The following SOX5 variants were observed in gnomAD, a reference collection of about 807,000 sequenced individuals.
The protein encoded by SOX5 is SRY-box transcription factor 5.
SOX5 carries 9 observed loss-of-function variants against 92.0 expected under a neutral mutation model. The ratio of observed to expected loss-of-function variants is 0.10; its 90% CI spans 0.06 to 0.17. The LOEUF is 0.17. Among genes scored for constraint, SOX5 ranks in the 10% least tolerant of loss-of-function variants. The pLI, the probability that SOX5 is intolerant of heterozygous loss-of-function variation, is 1.00. For missense variants in SOX5, 642 were observed against 944.5 expected (o/e 0.68, Z 4.20); for synonymous variants, 344 against 336.3 (o/e 1.02, Z -0.25).
intron 2 of SOX5, among the ~76,000 whole-genome samples, chr12:24,344,687 T>C (rs916401688): frequency 3.9e-5 from 6 of 152,198 alleles, no homozygotes; most frequent in African/African-American, 1.4e-4. Context: ...TGTGCTTGGG[T>C]GGTCTCTTGT....
intron 7 of SOX5, among the ~76,000 whole-genome samples, chr12:23,661,543 A>G (rs1351990355): frequency 6.6e-6 from 1 of 152,220 alleles, no homozygotes; most frequent in Non-Finnish European, 1.5e-5. Flanking sequence ...TTTAAAGTCA[A>G]TTTTGTGTAA....
Position 24,479,647 on chromosome 12 carries a change from A to G in SOX5, c.-251+82682T>C, listed in dbSNP as rs540800501. On this transcript the variant is annotated intron_variant, in intron 1 of 4. Transcript: ENST00000446891. ...TCTTACACTGGAAAATATCAAAGGA[A>G]TATTCAGGTATTTATTCATTTTTTT... 2.6e-5 allele frequency among the ~76,000 whole-genome samples: 4 copies of G among 151,234 alleles called. No individual in the cohort carries two copies. The South Asian group carries it at 8.3e-4, about 31-fold the overall frequency.
chr12:24,537,287 G>C (rs1382737187), intron 1 of SOX5, among the ~76,000 whole-genome samples: 1 of 152,154 alleles, frequency 6.6e-6, no homozygotes, highest in Non-Finnish European at 1.5e-5. Flanking sequence ...TTTACAGGGG[G>C]TTTAGCAGAC....
intron 1 of SOX5, among the ~76,000 whole-genome samples, chr12:23,900,349 T>C (rs1006218694): frequency 1.3e-5 from 2 of 152,156 alleles, no homozygotes; most frequent in Non-Finnish European, 2.9e-5. Context: ...AGAAAACTAC[T>C]GGGGTCTTTT....
At chr12:24,507,196 C>T (rs1043221838) in intron 1 of SOX5, among the ~76,000 whole-genome samples, 2 of 151,882 alleles carry the variant, frequency 1.3e-5, no homozygotes, top group East Asian at 1.9e-4. Flanking sequence ...CCATTGGTTC[C>T]TCAACAATTG....
intron 1 of SOX5, among the ~76,000 whole-genome samples, chr12:23,931,249 T>C (rs955406679): frequency 1.3e-5 from 2 of 151,798 alleles, no homozygotes; most frequent in Non-Finnish European, 2.9e-5. Flanking sequence ...CTACTATTTA[T>C]TTAGTGCTTA....
At chr12:23,911,038 C>A (rs1416986899) in intron 1 of SOX5, among the ~76,000 whole-genome samples, 1 of 151,978 alleles carries the variant, frequency 6.6e-6, no homozygotes. Context: ...TCTTATGAAA[C>A]AGATATTTTA....
At chr12:23,889,622 G>A (rs182074077) in intron 2 of SOX5, among the ~76,000 whole-genome samples, 2 of 152,090 alleles carry the variant, frequency 1.3e-5, no homozygotes, top group African/African-American at 2.4e-5. Flanking sequence ...GTTTAAGGTT[G>A]GATTTCATAT....
intron 4 of SOX5, among the ~76,000 whole-genome samples, chr12:24,061,742 C>T (rs1275644735): frequency 1.0e-5 from 1 of 98,526 alleles, no homozygotes; most frequent in African/African-American, 4.3e-5. Flanking sequence ...TTCAATATGA[C>T]AGAAAAAAAA....
chr12:23,736,449 G>A lies in SOX5; in HGVS notation c.742-1697C>T, dbSNP rs145004399. Among the ~76,000 whole-genome samples, 864 of 151,880 alleles carry A rather than the reference G, an allele frequency of 5.7e-3. 7 individuals are homozygous for A. The highest frequency in any genetic ancestry group is 0.019 in the African/African-American group (767 of 41,424). ...TGCACTCCAGCCTGGGTGACAGAGC[G>A]AGACTCCGTCTCAGAAATAATAAAA... On this transcript the variant is annotated intron_variant, in intron 5 of 14. Transcript: ENST00000451604.
chr12:24,445,684 T>C (rs1449947746), intron 1 of SOX5, among the ~76,000 whole-genome samples: 1 of 152,196 alleles, frequency 6.6e-6, no homozygotes, highest in African/African-American at 2.4e-5. Flanking sequence ...AGAGCTGCTA[T>C]CTTAATTGAT....
At chr12:23,786,628 A>G (rs1471983904) in intron 3 of SOX5, among the ~76,000 whole-genome samples, 1 of 110,268 alleles carries the variant, frequency 9.1e-6, no homozygotes. Context: ...ATCACGTATT[A>G]TTTTTCTAGA....
At chr12:23,585,139 A>G (rs941841686) in intron 9 of SOX5, among the ~76,000 whole-genome samples, 1 of 152,186 alleles carries the variant, frequency 6.6e-6, no homozygotes, top group African/African-American at 2.4e-5. Flanking sequence ...GCACATACAC[A>G]TCGAGCAAAT....
chr12:23,775,226 T>A (rs1345631170), intron 3 of SOX5, among the ~76,000 whole-genome samples: 1 of 152,226 alleles, frequency 6.6e-6, no homozygotes. Flanking sequence ...TTAATACTTA[T>A]TGACTGTTTA....
At chr12:23,758,434 A>G (rs1321405406) in intron 3 of SOX5, among the ~76,000 whole-genome samples, 1 of 151,880 alleles carries the variant, frequency 6.6e-6, no homozygotes, top group Non-Finnish European at 1.5e-5. Context: ...TATCAACAAC[A>G]AAATGATAAT....
At chr12:23,838,708 T>C (rs2096467161) in intron 3 of SOX5, among the ~76,000 whole-genome samples, 1 of 152,082 alleles carries the variant, frequency 6.6e-6, no homozygotes, top group Non-Finnish European at 1.5e-5. Flanking sequence ...CATTCTCATG[T>C]TCAGGTACAA....
intron 3 of SOX5, among the ~76,000 whole-genome samples, chr12:24,246,296 A>T (rs568233785): frequency 1.8e-4 from 26 of 146,452 alleles, no homozygotes; most frequent in South Asian, 6.4e-4. Context: ...TTTTTTTTTT[A>T]AAAGATTGTT....
At chr12:24,165,302 AAC>A (rs765924926) in intron 4 of SOX5, among the ~76,000 whole-genome samples, 2 of 152,150 alleles carry the variant, frequency 1.3e-5, no homozygotes, top group African/African-American at 2.4e-5. Context: ...TTATAAAATA[AAC>A]ACACACAGTT....
At chr12:23,982,263 C>T (rs144588713) in intron 4 of SOX5, among the ~76,000 whole-genome samples, 1 of 152,174 alleles carries the variant, frequency 6.6e-6, no homozygotes, top group African/African-American at 2.4e-5. Flanking sequence ...AGAATTTTCA[C>T]CCTCACCAGA....
Sources: gnomAD v4.1 joint callset for allele counts (sites outside exome capture counted in the v4.1 genomes callset) on GRCh38, gnomAD v4.1.1 for gene constraint, MANE v1.5 for transcripts, NCBI Gene and HGNC (gene_info 2026-07-23, HGNC 2026-07-21) for gene names.